The following NXPE4 variants were observed in gnomAD, a reference collection of about 807,000 sequenced individuals.
NXPE4 encodes the protein neurexophilin and PC-esterase domain family member 4, also known as NXPE family member 4.
NXPE4 carries 42 observed loss-of-function variants against 33.3 expected under a neutral mutation model. The observed-to-expected ratio is 1.26, with a 90% CI of 0.98 to 1.63. The LOEUF (loss-of-function observed/expected upper bound fraction) is 1.63, where lower values mean the gene tolerates loss of function less well. Ranked by LOEUF, NXPE4 falls within the 40% of genes most tolerant of loss-of-function variation. The pLI is 0.00. For synonymous variants in NXPE4, 253 were observed against 234.9 expected, an observed-to-expected ratio of 1.08 and a Z score of -0.71; for missense variants, 709 against 647.6, an observed-to-expected ratio of 1.09 and a Z score of -1.03.
the NXPE4 span, among the ~76,000 whole-genome samples, chr11:114,663,590 T>G: frequency 4.6e-5 from 4 of 86,072 alleles, no homozygotes; most frequent in Non-Finnish European, 7.4e-5. Context: ...ATCTATCATC[T>G]ATCTATCTAT....
chr11:114,591,934 T>C (rs757295298), intron 2 of NXPE4, among the ~76,000 whole-genome samples: 1 of 152,132 alleles, frequency 6.6e-6, no homozygotes, highest in African/African-American at 2.4e-5. Context: ...ACAAAAATCA[T>C]ATAATCATCT....
At chr11:114,583,803 A>G in intron 2 of NXPE4, 1 of 436,052 alleles carries the variant, frequency 2.3e-6, no homozygotes, top group Admixed American at 2.8e-5. Context: ...GATGGCATGG[A>G]AGAGGCCTTC....
At chr11:114,611,034 CTG>C in the NXPE4 span, among the ~76,000 whole-genome samples, 1 of 151,472 alleles carries the variant, frequency 6.6e-6, no homozygotes, top group Non-Finnish European at 1.5e-5. Context: ...AACTCTTACT[CTG>C]TGGATTATAA....
chr11:114,593,178 G>A (rs373628542), intron 2 of NXPE4, among the ~76,000 whole-genome samples: 2 of 152,144 alleles, frequency 1.3e-5, no homozygotes, highest in East Asian at 1.9e-4. Context: ...AGACAAATGG[G>A]ATTATATAAA....
chr11:114,639,883 T>TATA, the NXPE4 span, among the ~76,000 whole-genome samples: 64,381 of 97,704 alleles, frequency 0.66, 22,087 homozygotes, highest in African/African-American at 0.74. Flanking sequence ...AAATATAAAA[T>TATA]ATGTTATATA....
At chr11:114,633,426 A>T in the NXPE4 span, among the ~76,000 whole-genome samples, 3 of 146,000 alleles carry the variant, frequency 2.1e-5, no homozygotes, top group Non-Finnish European at 4.5e-5. Context: ...GTTATATACA[A>T]TATAGTATAG....
At chr11:114,602,227 TTATA>T in the NXPE4 span, among the ~76,000 whole-genome samples, 14,934 of 113,152 alleles carry the variant, frequency 0.13, 1,216 homozygotes, top group East Asian at 0.37. Flanking sequence ...ATGTTATAGA[TTATA>T]TATTATACTA....
At chr11:114,633,646 G>T in the NXPE4 span, among the ~76,000 whole-genome samples, 2 of 149,438 alleles carry the variant, frequency 1.3e-5, no homozygotes, top group Admixed American at 1.3e-4. Flanking sequence ...CCCAGAGTGT[G>T]ATGTTCCCCT....
the NXPE4 span, among the ~76,000 whole-genome samples, chr11:114,602,729 C>G: frequency 7.0e-6 from 1 of 143,128 alleles, no homozygotes; most frequent in Non-Finnish European, 1.5e-5. Context: ...ATAATTATCT[C>G]ATATATAATT....
the NXPE4 span, among the ~76,000 whole-genome samples, chr11:114,626,347 T>C: frequency 2.6e-5 from 4 of 151,914 alleles, no homozygotes; most frequent in African/African-American, 9.7e-5. Flanking sequence ...GCAGACTGCC[T>C]CCTCAAGTGG....
the NXPE4 span, among the ~76,000 whole-genome samples, chr11:114,631,757 G>C: frequency 6.6e-6 from 1 of 151,840 alleles, no homozygotes; most frequent in Admixed American, 6.6e-5. Context: ...CTGTCACCCG[G>C]TGGATAATAA....
the NXPE4 span, among the ~76,000 whole-genome samples, chr11:114,606,807 G>T: frequency 2.0e-5 from 3 of 151,930 alleles, no homozygotes; most frequent in Non-Finnish European, 4.4e-5. Flanking sequence ...TGCTTGTAGG[G>T]TAACCACTGT....
At chr11:114,585,700 G>T (rs550609795) in intron 2 of NXPE4, among the ~76,000 whole-genome samples, 1 of 152,262 alleles carries the variant, frequency 6.6e-6, no homozygotes, top group South Asian at 2.1e-4. Flanking sequence ...TAGGTAGACA[G>T]TGAGGGTAAA....
At chr11:114,620,079 T>C in the NXPE4 span, among the ~76,000 whole-genome samples, 1 of 152,082 alleles carries the variant, frequency 6.6e-6, no homozygotes, top group East Asian at 1.9e-4. Flanking sequence ...GTATAATAAG[T>C]GTTGCCTCTT....
chr11:114,620,089 T>C, the NXPE4 span, among the ~76,000 whole-genome samples: 1 of 151,426 alleles, frequency 6.6e-6, no homozygotes, highest in South Asian at 2.1e-4. Context: ...TGTTGCCTCT[T>C]GGGTAACCAC....
the NXPE4 span, among the ~76,000 whole-genome samples, chr11:114,632,171 TA>T: frequency 1.8e-4 from 26 of 141,162 alleles, 1 homozygote; most frequent in Non-Finnish European, 3.7e-4. Context: ...ATTTATCATA[TA>T]ATATATAATA....
At chr11:114,596,038 A>G (rs1363795398), upstream of NXPE4, among the ~76,000 whole-genome samples, 1 of 152,194 alleles carries the variant, frequency 6.6e-6, no homozygotes, top group Admixed American at 6.5e-5. Context: ...TGATGAGAAA[A>G]AGAGCCACAA....
At chr11:114,628,820 TA>T in the NXPE4 span, among the ~76,000 whole-genome samples, 1 of 151,124 alleles carries the variant, frequency 6.6e-6, no homozygotes, top group African/African-American at 2.4e-5. Context: ...ATAGACGCAA[TA>T]AAAAATGATA....
chr11:114,586,515 A>G (rs1949301299), intron 2 of NXPE4, among the ~76,000 whole-genome samples: 1 of 152,222 alleles, frequency 6.6e-6, no homozygotes, highest in Non-Finnish European at 1.5e-5. Context: ...TACAAGACTC[A>G]GGGGACAGGC....
Sources: gnomAD v4.1 joint callset for allele counts (sites outside exome capture counted in the v4.1 genomes callset) on GRCh38, gnomAD v4.1.1 for gene constraint, MANE v1.5 for transcripts, NCBI Gene and HGNC (gene_info 2026-07-23, HGNC 2026-07-21) for gene names.